SHISA9: variants seen among roughly 807,000 people sequenced by gnomAD.
The protein encoded by SHISA9 is protein shisa-9.
Under a neutral mutation model 38.0 loss-of-function variants are expected in SHISA9, and 13 were observed. That is an observed-to-expected ratio of 0.34 (90% CI 0.22 to 0.54). The LOEUF (loss-of-function observed/expected upper bound fraction) is 0.54, where lower values mean the gene tolerates loss of function less well. Among genes scored for constraint, SHISA9 ranks in the 20% least tolerant of loss-of-function variants. The pLI is 0.91. For missense variants in SHISA9, 538 were observed against 575.8 expected (o/e 0.93, Z 0.67); for synonymous variants, 275 against 242.0 (o/e 1.14, Z -1.27).
chr16:13,184,832 A>G (rs1309188344), intron 2 of SHISA9, among the ~76,000 whole-genome samples: 1 of 152,194 alleles, frequency 6.6e-6, no homozygotes, highest in Non-Finnish European at 1.5e-5. Context: ...GTGTTTATGA[A>G]TTCACCATTG....
chr16:13,162,169 G>A (rs913862164), intron 2 of SHISA9, among the ~76,000 whole-genome samples: 2 of 152,124 alleles, frequency 1.3e-5, no homozygotes, highest in Admixed American at 6.5e-5. Flanking sequence ...AGAAAGGTGG[G>A]TATTCAGAGG....
intron 2 of SHISA9, among the ~76,000 whole-genome samples, chr16:13,188,487 G>A (rs1408431234): frequency 6.6e-6 from 1 of 152,092 alleles, no homozygotes; most frequent in Non-Finnish European, 1.5e-5. Flanking sequence ...AGAGGCCAAC[G>A]TGAGAGGATG....
intron 2 of SHISA9, among the ~76,000 whole-genome samples, chr16:12,996,805 G>A (rs2072462672): frequency 6.6e-6 from 1 of 152,054 alleles, no homozygotes; most frequent in Non-Finnish European, 1.5e-5. Context: ...TTTTGGAATG[G>A]TGAATAATAT....
chr16:13,022,766 T>C (rs1367918972), intron 2 of SHISA9, among the ~76,000 whole-genome samples: 4 of 152,022 alleles, frequency 2.6e-5, no homozygotes, highest in African/African-American at 9.7e-5. Flanking sequence ...CACACCCAGC[T>C]AATTATTTCA....
the SHISA9 span, among the ~76,000 whole-genome samples, chr16:13,421,800 A>C: frequency 6.6e-6 from 1 of 152,190 alleles, no homozygotes; most frequent in African/African-American, 2.4e-5. Flanking sequence ...TTCAACTCTC[A>C]CATGAAATCT....
chr16:12,987,718 C>G (rs554050588), intron 2 of SHISA9, among the ~76,000 whole-genome samples: 1 of 152,258 alleles, frequency 6.6e-6, no homozygotes, highest in East Asian at 1.9e-4. Flanking sequence ...CCTGCACGTT[C>G]TGCATGTGTA....
At chr16:13,339,491 G>A in the SHISA9 span, among the ~76,000 whole-genome samples, 2 of 152,290 alleles carry the variant, frequency 1.3e-5, no homozygotes, top group Non-Finnish European at 2.9e-5. Context: ...TCAATAAAAT[G>A]GGAGCAACAG....
At chr16:13,164,018 G>T (rs967046367) in intron 2 of SHISA9, among the ~76,000 whole-genome samples, 2 of 151,914 alleles carry the variant, frequency 1.3e-5, no homozygotes, top group Admixed American at 1.3e-4. Flanking sequence ...GTAAAATGTT[G>T]AATATAAATG....
intron 2 of SHISA9, among the ~76,000 whole-genome samples, chr16:12,993,823 AGGAG>A (rs2072421464): frequency 6.6e-6 from 1 of 152,204 alleles, no homozygotes; most frequent in Non-Finnish European, 1.5e-5. Flanking sequence ...GAAGGTGAAT[AGGAG>A]GAAGCCCAGG....
the SHISA9 span, among the ~76,000 whole-genome samples, chr16:13,296,430 G>GA: frequency 6.6e-6 from 1 of 151,320 alleles, no homozygotes; most frequent in African/African-American, 2.4e-5. Context: ...ACGCAGGGGG[G>GA]AAAAAAACAG....
intron 2 of SHISA9, among the ~76,000 whole-genome samples, chr16:13,181,308 T>TACAC (rs1398279225): frequency 5.3e-5 from 2 of 37,960 alleles, no homozygotes; most frequent in African/African-American, 3.1e-4. Flanking sequence ...TATATATATA[T>TACAC]ATATACACAC....
At chr16:13,050,342 A>G (rs1483522797) in intron 2 of SHISA9, among the ~76,000 whole-genome samples, 1 of 151,880 alleles carries the variant, frequency 6.6e-6, no homozygotes, top group Admixed American at 6.6e-5. Context: ...TTTAAATTTG[A>G]GATGAAATTA....
chr16:13,354,045 G>A, the SHISA9 span, among the ~76,000 whole-genome samples: 1 of 147,680 alleles, frequency 6.8e-6, no homozygotes, highest in African/African-American at 2.5e-5. Flanking sequence ...AGACAAAGAG[G>A]TATTTTAGTT....
At chr16:13,345,637 G>A in the SHISA9 span, among the ~76,000 whole-genome samples, 121 of 152,140 alleles carry the variant, frequency 8.0e-4, no homozygotes, top group African/African-American at 2.8e-3. Context: ...TTGCTGGGTC[G>A]AATAGTATTT....
chr16:13,076,406 C>T (rs2073582862), intron 2 of SHISA9, among the ~76,000 whole-genome samples: 1 of 152,180 alleles, frequency 6.6e-6, no homozygotes, highest in Non-Finnish European at 1.5e-5. Flanking sequence ...CTTTGAGGCA[C>T]CAGGGTATAA....
intron 1 of SHISA9, chr16:12,910,811 A>C (rs1380553277): frequency 1.2e-6 from 1 of 842,294 alleles, no homozygotes; most frequent in Non-Finnish European, 1.4e-6. Context: ...AAATCTCCAG[A>C]GCCTCTGTAC....
chr16:13,037,071 CA>C (rs2073077530), intron 2 of SHISA9, among the ~76,000 whole-genome samples: 2 of 145,534 alleles, frequency 1.4e-5, no homozygotes, highest in Non-Finnish European at 3.0e-5. Flanking sequence ...CACACACACA[CA>C]CACACACACA....
intron 2 of SHISA9, among the ~76,000 whole-genome samples, chr16:13,176,221 C>CT (rs2142026016): frequency 6.6e-6 from 1 of 152,070 alleles, no homozygotes; most frequent in South Asian, 2.1e-4. Context: ...TTGGAGGGGG[C>CT]TTATATAGCC....
chr16:13,258,497 T>C, the SHISA9 span: 3 of 152,224 alleles, frequency 2.0e-5, no homozygotes, highest in South Asian at 2.1e-4. Flanking sequence ...TCACAATATG[T>C]TGAATAATTA....
Sources: allele counts gnomAD v4.1 joint callset (sites outside exome capture counted in the v4.1 genomes callset), GRCh38; gene constraint gnomAD v4.1.1; transcripts MANE v1.5; gene names NCBI Gene and HGNC (gene_info 2026-07-23, HGNC 2026-07-21).